The following SLC22A25 variants were observed in gnomAD, a reference collection of about 807,000 sequenced individuals.
SLC22A25 encodes the protein solute carrier family 22 member 25.
Under a neutral mutation model 45.9 loss-of-function variants are expected in SLC22A25, and 44 were observed. That is an observed-to-expected ratio of 0.96 (90% CI 0.75 to 1.23). The LOEUF (loss-of-function observed/expected upper bound fraction) is 1.23, where lower values mean the gene tolerates loss of function less well. SLC22A25 is among the 50% of genes most tolerant of loss of function. The probability of loss-of-function intolerance (pLI) is 0.00; values close to 1 mark genes in which losing one functional copy is unlikely to be tolerated. For missense variants in SLC22A25, 800 were observed against 666.4 expected, an observed-to-expected ratio of 1.20 and a Z score of -2.21; for synonymous variants, 283 against 238.6, an observed-to-expected ratio of 1.19 and a Z score of -1.72.
intron 8 of SLC22A25, among the ~76,000 whole-genome samples, chr11:63,181,266 A>T (rs188229077): frequency 0.018 from 2,675 of 151,902 alleles, 64 homozygotes; most frequent in African/African-American, 0.049. Context: ...TTTCTTCCTA[A>T]CCCTTATGTT....
At chr11:63,207,700 G>A (rs1022141209) in intron 7 of SLC22A25, among the ~76,000 whole-genome samples, 2 of 152,160 alleles carry the variant, frequency 1.3e-5, no homozygotes, top group African/African-American at 4.8e-5. Flanking sequence ...CTATTTTTCT[G>A]TGGCTAGTGA....
At chr11:63,196,241 T>G (rs563747216) in intron 7 of SLC22A25, among the ~76,000 whole-genome samples, 12 of 152,278 alleles carry the variant, frequency 7.9e-5, no homozygotes, top group Middle Eastern at 3.4e-3. Flanking sequence ...GAGTCCTCCA[T>G]AACTCATTTT....
chr11:63,210,491 T>C (rs1418652784), intron 7 of SLC22A25, among the ~76,000 whole-genome samples: 1 of 152,018 alleles, frequency 6.6e-6, no homozygotes, highest in African/African-American at 2.4e-5. Context: ...GAAAGATGAG[T>C]GCCCCGAAAA....
intron 7 of SLC22A25, among the ~76,000 whole-genome samples, chr11:63,213,081 C>A: frequency 6.6e-6 from 1 of 152,166 alleles, no homozygotes; most frequent in South Asian, 2.1e-4. Context: ...CTTGGAAGTG[C>A]ACACAAGGAG....
chr11:63,233,014 TGTG>T (rs1319330417), intron 3 of SLC22A25, among the ~76,000 whole-genome samples: 18 of 152,156 alleles, frequency 1.2e-4, no homozygotes, highest in African/African-American at 3.9e-4. Context: ...AGCTTTTTGA[TGTG>T]CTGCTGGATT....
chr11:63,223,359 T>C (rs2089893248), intron 5 of SLC22A25, among the ~76,000 whole-genome samples: 2 of 152,090 alleles, frequency 1.3e-5, no homozygotes, highest in South Asian at 4.1e-4. Flanking sequence ...TGGTAGGTTG[T>C]ATGTATCTAG....
Position 63,183,786 on chromosome 11 carries a change from T to A in SLC22A25, c.862A>T (p.Ile288Phe), listed in dbSNP as rs762449342. The A allele has an allele frequency of 1.9e-6, 3 of 1,613,152 alleles. No individual in the cohort carries two copies. The highest frequency in any genetic ancestry group is 1.7e-6 in the Non-Finnish European group (2 of 1,179,372). Residue 288 changes from isoleucine (I) to phenylalanine (F), a missense_variant, in exon 8 of 12, where the codon ATC becomes TTC. Coordinates refer to ENST00000306494, the MANE Select transcript of SLC22A25 (RefSeq NM_199352.6). ...AAGCCCTCTTCTGGTTTGTTGTTGATAATGAGCCACCGAGCAGACTCTGCC... is the reference window on the plus strand; with the variant it reads ...AAGCCCTCTTCTGGTTTGTTGTTGAAAATGAGCCACCGAGCAGACTCTGCC... ...WLAESARWLI[I>F]NNKPEEGLKE...
chr11:63,173,675 C>T (rs1363144070), intron 9 of SLC22A25, among the ~76,000 whole-genome samples: 1 of 152,108 alleles, frequency 6.6e-6, no homozygotes, highest in African/African-American at 2.4e-5. Context: ...TGCCTGGAAG[C>T]TCTAAGTGAC....
chr11:63,235,338 CA>C (rs1467931620), intron 3 of SLC22A25, among the ~76,000 whole-genome samples: 1 of 152,116 alleles, frequency 6.6e-6, no homozygotes, highest in African/African-American at 2.4e-5. Context: ...AGGCTTTGTT[CA>C]TTTGTTTTTA....
chr11:63,206,101 A>C (rs971356989), intron 7 of SLC22A25, among the ~76,000 whole-genome samples: 1 of 152,086 alleles, frequency 6.6e-6, no homozygotes, highest in African/African-American at 2.4e-5. Context: ...CATGCTAAAA[A>C]CTCTCAATAA....
At chr11:63,227,906 G>T (rs2089993655) in intron 5 of SLC22A25, among the ~76,000 whole-genome samples, 1 of 152,310 alleles carries the variant, frequency 6.6e-6, no homozygotes, top group South Asian at 2.1e-4. Context: ...TCTGCCCTGT[G>T]TTGGCAGCAC....
intron 9 of SLC22A25, among the ~76,000 whole-genome samples, chr11:63,168,791 C>T (rs938555790): frequency 2.0e-5 from 3 of 152,100 alleles, no homozygotes; most frequent in African/African-American, 7.2e-5. Context: ...GACAGGCCAA[C>T]ATACAATTTC....
chr11:63,213,344 T>C (rs898008190), intron 7 of SLC22A25, among the ~76,000 whole-genome samples: 2 of 152,092 alleles, frequency 1.3e-5, no homozygotes, highest in Non-Finnish European at 2.9e-5. Context: ...AAGCCCTTCT[T>C]TTTGTATGTG....
At chr11:63,197,602 A>T (rs1333026418) in intron 7 of SLC22A25, among the ~76,000 whole-genome samples, 2 of 152,236 alleles carry the variant, frequency 1.3e-5, no homozygotes, top group South Asian at 4.1e-4. Flanking sequence ...TAAATGTTAG[A>T]CCTAAAACCA....
intron 7 of SLC22A25, among the ~76,000 whole-genome samples, chr11:63,186,343 T>C (rs1325132432): frequency 6.6e-6 from 1 of 151,614 alleles, no homozygotes; most frequent in Non-Finnish European, 1.5e-5. Flanking sequence ...AAATGTCTTC[T>C]TTTGAGAAGT....
chr11:63,221,862 C>T (rs539057858), intron 5 of SLC22A25, among the ~76,000 whole-genome samples: 3 of 152,068 alleles, frequency 2.0e-5, no homozygotes, highest in African/African-American at 4.8e-5. Context: ...ATCCAGTTTC[C>T]CAGCATTGTG....
chr11:63,160,702 G>A lies in SLC22A25; in HGVS notation c.*3122C>T, dbSNP rs2087526236. Among the ~76,000 whole-genome samples, 1 of 152,164 alleles carries A rather than the reference G, an allele frequency of 6.6e-6. No homozygotes were observed. The highest frequency in any genetic ancestry group is 2.4e-5 in the African/African-American group (1 of 41,448). On this transcript the variant is annotated 3_prime_UTR_variant, in exon 12 of 12. Coordinates refer to ENST00000306494, the MANE Select transcript of SLC22A25 (RefSeq NM_199352.6). Reference sequence around the variant, plus strand: ...GCACTGCACACCTGGAAAAGCTGCAGACACTCAATGCCAGGTCACAAAAGC... The same window carrying A: ...GCACTGCACACCTGGAAAAGCTGCAAACACTCAATGCCAGGTCACAAAAGC...
At chr11:63,164,753 G>T in intron 10 of SLC22A25, 119 bp from the exon 11 acceptor site, 1 of 744,662 alleles carries the variant, frequency 1.3e-6, no homozygotes, top group Non-Finnish European at 2.3e-6. Flanking sequence ...TGTACTGTAG[G>T]AAAACTGCAT....
chr11:63,183,190 GTGT>G (rs1168329822), intron 8 of SLC22A25, among the ~76,000 whole-genome samples: 15 of 152,082 alleles, frequency 9.9e-5, no homozygotes, highest in Non-Finnish European at 1.8e-4. Flanking sequence ...ATTTGGACTG[GTGT>G]TGGTACTGTC....
Sources: allele counts gnomAD v4.1 joint callset (sites outside exome capture counted in the v4.1 genomes callset), GRCh38; gene constraint gnomAD v4.1.1; transcripts MANE v1.5; gene names NCBI Gene and HGNC (gene_info 2026-07-23, HGNC 2026-07-21).